Variants in BICC1 observed in about 807,000 individuals in gnomAD.
BICC1 encodes the protein BicC family RNA binding protein 1.
In BICC1, 43 loss-of-function variants were observed where a neutral mutation model predicts 111.0. The ratio of observed to expected loss-of-function variants is 0.39; its 90% CI spans 0.30 to 0.50. The LOEUF is 0.50. Among genes scored for constraint, BICC1 ranks in the 20% least tolerant of loss-of-function variants. The pLI is 0.88. For synonymous variants in BICC1, 467 were observed against 434.4 expected (o/e 1.07, Z -0.93); for missense variants, 1,091 against 1,203.2 (o/e 0.91, Z 1.38).
chr10:58,805,090 C>T (rs150791705), intron 15 of BICC1, among the ~76,000 whole-genome samples: 2 of 152,228 alleles, frequency 1.3e-5, no homozygotes, highest in Admixed American at 6.5e-5. Context: ...GTCAGGAGTT[C>T]GAGACCAGCC....
intron 3 of BICC1, among the ~76,000 whole-genome samples, chr10:58,737,908 A>G (rs1344101896): frequency 6.6e-6 from 1 of 152,154 alleles, no homozygotes; most frequent in Non-Finnish European, 1.5e-5. Context: ...GTCTGTTCAT[A>G]TCCTTCGCCC....
At chr10:58,670,967 T>G (rs1022422132) in intron 2 of BICC1, among the ~76,000 whole-genome samples, 1 of 152,178 alleles carries the variant, frequency 6.6e-6, no homozygotes, top group African/African-American at 2.4e-5. Flanking sequence ...TATGTTTCCA[T>G]TTATATGATA....
intron 1 of BICC1, among the ~76,000 whole-genome samples, chr10:58,617,864 GC>G (rs1285684267): frequency 1.3e-4 from 20 of 152,250 alleles, no homozygotes; most frequent in Non-Finnish European, 1.2e-4. Context: ...GTTGTTGCCT[GC>G]CCCAGTGCTC....
intron 4 of BICC1, 124 bp from the exon 5 acceptor site, chr10:58,786,799 A>T: frequency 1.9e-6 from 1 of 532,458 alleles, no homozygotes; most frequent in Non-Finnish European, 3.0e-6. Flanking sequence ...AGATGATCTT[A>T]TTAAGAAATA....
intron 1 of BICC1, among the ~76,000 whole-genome samples, chr10:58,546,823 A>T (rs1843150198): frequency 6.6e-6 from 1 of 152,208 alleles, no homozygotes; most frequent in Admixed American, 6.5e-5. Context: ...TCCAGAGGAT[A>T]TTTGTACTTT....
At chr10:58,665,721 T>C (rs1209841330) in intron 2 of BICC1, among the ~76,000 whole-genome samples, 1 of 152,210 alleles carries the variant, frequency 6.6e-6, no homozygotes, top group Non-Finnish European at 1.5e-5. Context: ...ATCTGAAATT[T>C]ATTTTCTATT....
intron 3 of BICC1, among the ~76,000 whole-genome samples, chr10:58,770,596 A>C (rs954756500): frequency 1.2e-4 from 18 of 152,284 alleles, no homozygotes; most frequent in East Asian, 1.9e-4. Flanking sequence ...ATAAAAAAAA[A>C]CACAAACACT....
At chr10:58,562,963 CT>C (rs1843651342) in intron 1 of BICC1, among the ~76,000 whole-genome samples, 1 of 152,064 alleles carries the variant, frequency 6.6e-6, no homozygotes, top group Non-Finnish European at 1.5e-5. Context: ...CAGGCTGACT[CT>C]CAGGTCCTTG....
At chr10:58,654,891 T>C (rs1382509605) in intron 2 of BICC1, among the ~76,000 whole-genome samples, 2 of 139,158 alleles carry the variant, frequency 1.4e-5, no homozygotes, top group East Asian at 4.4e-4. Context: ...AGTTTCAGCT[T>C]TCTCCATATG....
intron 1 of BICC1, among the ~76,000 whole-genome samples, chr10:58,587,818 A>T (rs1405597845): frequency 6.6e-6 from 1 of 152,202 alleles, no homozygotes; most frequent in African/African-American, 2.4e-5. Context: ...CATTAAGCTT[A>T]TGGGTTTCGA....
intron 2 of BICC1, among the ~76,000 whole-genome samples, chr10:58,688,810 A>G (rs1839828514): frequency 6.6e-6 from 1 of 152,130 alleles, no homozygotes; most frequent in South Asian, 2.1e-4. Flanking sequence ...ATTCTCACTC[A>G]TAAGTGGGAG....
intron 2 of BICC1, among the ~76,000 whole-genome samples, chr10:58,635,366 G>T (rs1837923435): frequency 6.6e-6 from 1 of 152,142 alleles, no homozygotes; most frequent in African/African-American, 2.4e-5. Context: ...TTGATGAAAT[G>T]ATTTCTTTTT....
intron 2 of BICC1, chr10:58,648,545 A>G: frequency 1.0e-6 from 1 of 985,298 alleles, no homozygotes; most frequent in Non-Finnish European, 1.2e-6. Context: ...TGTTGCTTTC[A>G]AAGGCTATGA....
chr10:58,824,695 T>A (rs1844346649), intron 20 of BICC1, among the ~76,000 whole-genome samples: 1 of 152,164 alleles, frequency 6.6e-6, no homozygotes, highest in South Asian at 2.1e-4. Flanking sequence ...AAGTACTGAG[T>A]ACCATGCAAA....
At chr10:58,548,199 T>G (rs1414885295) in intron 1 of BICC1, among the ~76,000 whole-genome samples, 1 of 152,220 alleles carries the variant, frequency 6.6e-6, no homozygotes, top group Non-Finnish European at 1.5e-5. Context: ...CTGTAAACTG[T>G]CATTCAAACA....
At chr10:58,688,769 C>A (rs1192266052) in intron 2 of BICC1, among the ~76,000 whole-genome samples, 2 of 152,064 alleles carry the variant, frequency 1.3e-5, no homozygotes, top group Non-Finnish European at 2.9e-5. Flanking sequence ...TCCCAGGAAA[C>A]TACACAGGAA....
intron 1 of BICC1, among the ~76,000 whole-genome samples, chr10:58,577,058 G>A (rs977723386): frequency 5.3e-5 from 8 of 152,290 alleles, no homozygotes; most frequent in African/African-American, 1.9e-4. Context: ...CAGAGACAGA[G>A]AAAGCAACTT....
intron 3 of BICC1, among the ~76,000 whole-genome samples, chr10:58,727,613 T>TG (rs1841149788): frequency 6.6e-6 from 1 of 150,844 alleles, no homozygotes; most frequent in African/African-American, 2.4e-5. Flanking sequence ...TGGGGTGGGG[T>TG]GGGGGCGGTT....
intron 3 of BICC1, among the ~76,000 whole-genome samples, chr10:58,753,931 G>A (rs558071486): frequency 6.6e-6 from 1 of 151,204 alleles, no homozygotes; most frequent in East Asian, 1.9e-4. Context: ...TCTTAAAATT[G>A]ACAGTAGATG....
Sources: gnomAD v4.1 joint callset for allele counts (sites outside exome capture counted in the v4.1 genomes callset) on GRCh38, gnomAD v4.1.1 for gene constraint, MANE v1.5 for transcripts, NCBI Gene and HGNC (gene_info 2026-07-23, HGNC 2026-07-21) for gene names.